MEGF10: variants seen among roughly 807,000 people sequenced by gnomAD.
The protein encoded by MEGF10 is multiple EGF like domains 10.
A neutral mutation model predicts 147.5 loss-of-function variants in MEGF10; 86 were observed. The observed-to-expected ratio is 0.58, with a 90% confidence interval of 0.49 to 0.70. MEGF10 has a LOEUF of 0.70. Ranked by LOEUF, MEGF10 falls within the 30% of genes least tolerant of loss-of-function variation. MEGF10 has a pLI of 0.00. For missense variants in MEGF10, 1,329 were observed against 1,487.3 expected, an observed-to-expected ratio of 0.89 and a Z score of 1.75; for synonymous variants, 478 against 525.5, an observed-to-expected ratio of 0.91 and a Z score of 1.24.
At chr5:127,256,056 G>T in the MEGF10 span, among the ~76,000 whole-genome samples, 31 of 152,264 alleles carry the variant, frequency 2.0e-4, no homozygotes, top group African/African-American at 7.2e-4. Flanking sequence ...GTATCCTCTG[G>T]GAAATCTGGG....
chr5:127,341,632 G>T (rs1005613184), intron 4 of MEGF10, among the ~76,000 whole-genome samples: 3 of 152,092 alleles, frequency 2.0e-5, no homozygotes, highest in African/African-American at 4.8e-5. Flanking sequence ...GACAGGGGCA[G>T]CTCCTTAGCT....
chr5:127,432,139 G>A (rs945856970), intron 13 of MEGF10, among the ~76,000 whole-genome samples: 2 of 152,128 alleles, frequency 1.3e-5, no homozygotes, highest in Admixed American at 1.3e-4. Flanking sequence ...GACACAATGA[G>A]GTCTGCATGC....
chr5:127,390,688 C>T (rs1292458591), intron 5 of MEGF10, among the ~76,000 whole-genome samples: 1 of 152,118 alleles, frequency 6.6e-6, no homozygotes, highest in African/African-American at 2.4e-5. Context: ...CGATAGTATT[C>T]CATTGTATGA....
chr5:127,310,225 A>C (rs1760229227), intron 1 of MEGF10, among the ~76,000 whole-genome samples: 1 of 151,638 alleles, frequency 6.6e-6, no homozygotes, highest in Admixed American at 6.6e-5. Context: ...CTTTTAAAAA[A>C]TGTCTATGCA....
chr5:127,303,335 C>CAAAAAAAAAAAAAAAAAAAAAAAAAA (rs1174955274), intron 1 of MEGF10, among the ~76,000 whole-genome samples: 1 of 50,630 alleles, frequency 2.0e-5, no homozygotes, highest in African/African-American at 6.1e-5. Flanking sequence ...GACTCCATGT[C>CAAAAAAAAAAAAAAAAAAAAAAAAAA]AAAAAAAAAA....
At chr5:127,300,975 T>G (rs947774167) in intron 1 of MEGF10, among the ~76,000 whole-genome samples, 3 of 152,204 alleles carry the variant, frequency 2.0e-5, no homozygotes, top group African/African-American at 7.2e-5. Context: ...CTCCTTTCAC[T>G]CATTTTAGTC....
chr5:127,388,461 T>C (rs1763518174), intron 5 of MEGF10, among the ~76,000 whole-genome samples: 1 of 152,050 alleles, frequency 6.6e-6, no homozygotes, highest in Non-Finnish European at 1.5e-5. Context: ...CATAGAATTA[T>C]TATCAACTTC....
chr5:127,349,236 G>T (rs971620125), intron 4 of MEGF10, among the ~76,000 whole-genome samples: 4 of 152,048 alleles, frequency 2.6e-5, no homozygotes, highest in Non-Finnish European at 5.9e-5. Context: ...TCTTCACAAG[G>T]TTGAAAGATA....
At chr5:127,277,410 T>G in the MEGF10 span, among the ~76,000 whole-genome samples, 1 of 152,168 alleles carries the variant, frequency 6.6e-6, no homozygotes, top group Non-Finnish European at 1.5e-5. Flanking sequence ...TTCTGCCGAA[T>G]TCTGCTTTCC....
the MEGF10 span, among the ~76,000 whole-genome samples, chr5:127,232,039 T>C: frequency 1.3e-5 from 2 of 152,284 alleles, no homozygotes; most frequent in South Asian, 2.1e-4. Flanking sequence ...CAGAAAACAA[T>C]GAAGGCAAAG....
rs1766535787 is a variant in MEGF10, at chr5:127,460,885, T to C, written c.*3567T>C. On this transcript the variant is annotated 3_prime_UTR_variant, in exon 25 of 25. Coordinates refer to ENST00000503335, the MANE Select transcript of MEGF10 (RefSeq NM_001256545.2). ...GCATATGCAAGTGTGAATTACGTGG[T>C]ATGGATGTTTGCTTGTTTATTAACT... is the stretch of plus-strand genomic sequence containing the variant. 1.3e-5 allele frequency: 2 copies of C among 152,214 alleles called. No individual in the cohort carries two copies. Among genetic ancestry groups the C allele is most frequent in the South Asian group, 2.1e-4 (1 of 4,832 alleles). 9.4% of individuals were successfully genotyped at this position (152,214 alleles called of 1,614,324 possible). A position where few individuals can be genotyped will look rare whatever the true frequency, so the allele number is the denominator to read the frequency against.
intron 5 of MEGF10, among the ~76,000 whole-genome samples, chr5:127,395,968 T>C (rs1009345685): frequency 1.2e-4 from 18 of 152,284 alleles, no homozygotes; most frequent in African/African-American, 4.1e-4. Context: ...TCATGGTTAC[T>C]GCCTGTGATG....
At chr5:127,380,710 G>A (rs930409429) in intron 5 of MEGF10, among the ~76,000 whole-genome samples, 27 of 152,044 alleles carry the variant, frequency 1.8e-4, no homozygotes, top group African/African-American at 6.3e-4. Flanking sequence ...GTAGAGGCAT[G>A]GTTTCACCAT....
chr5:127,374,730 A>G (rs1762965091), intron 5 of MEGF10, among the ~76,000 whole-genome samples: 1 of 152,254 alleles, frequency 6.6e-6, no homozygotes, highest in Non-Finnish European at 1.5e-5. Flanking sequence ...GTAAAACAGA[A>G]AGGAAAAAAA....
At chr5:127,273,293 G>A in the MEGF10 span, among the ~76,000 whole-genome samples, 1 of 152,208 alleles carries the variant, frequency 6.6e-6, no homozygotes, top group African/African-American at 2.4e-5. Context: ...CAGGGGTGGG[G>A]GTTCCCTTGG....
intron 1 of MEGF10, among the ~76,000 whole-genome samples, chr5:127,321,477 A>G (rs1760783285): frequency 6.6e-6 from 1 of 151,862 alleles, no homozygotes; most frequent in South Asian, 2.1e-4. Flanking sequence ...GCTTGCCTTA[A>G]TGGAATCTGG....
chr5:127,286,157 G>A (rs1205093544), upstream of MEGF10, among the ~76,000 whole-genome samples: 1 of 152,042 alleles, frequency 6.6e-6, no homozygotes. Flanking sequence ...TGGAAAGAGT[G>A]TGTGAGTGAG....
At chr5:127,283,303 A>G in the MEGF10 span, among the ~76,000 whole-genome samples, 4 of 152,220 alleles carry the variant, frequency 2.6e-5, no homozygotes, top group African/African-American at 9.6e-5. Context: ...TATTTATTCC[A>G]AATTGTAATA....
rs1764041528 is a variant in MEGF10 at position 127,399,315 on chromosome 5, T to G, written c.780+519T>G. 2.6e-5 allele frequency among the ~76,000 whole-genome samples: 4 copies of G among 152,224 alleles called. No individual in the cohort carries two copies. The South Asian group carries it at 8.3e-4, about 32-fold the overall frequency. Reference sequence around the variant, plus strand: ...AGTGTGATAATCCAAGAGGAAGCTATTCAACATGTTTTCCAAATTTTGACG... The same window carrying G: ...AGTGTGATAATCCAAGAGGAAGCTAGTCAACATGTTTTCCAAATTTTGACG... On this transcript the variant is annotated intron_variant, in intron 7 of 24. Coordinates refer to ENST00000503335, the MANE Select transcript of MEGF10 (RefSeq NM_001256545.2).
Sources: allele counts gnomAD v4.1 joint callset (sites outside exome capture counted in the v4.1 genomes callset), GRCh38; gene constraint gnomAD v4.1.1; transcripts MANE v1.5; gene names NCBI Gene and HGNC (gene_info 2026-07-23, HGNC 2026-07-21).